The following ZFAND3 variants were observed in gnomAD, a reference collection of about 807,000 sequenced individuals.
The protein encoded by ZFAND3 is AN1-type zinc finger protein 3.
A neutral mutation model predicts 29.6 loss-of-function variants in ZFAND3; 10 were observed. That is an observed-to-expected ratio of 0.34 (90% confidence interval 0.21 to 0.57). ZFAND3 has a LOEUF of 0.57. Ranked by LOEUF, ZFAND3 falls within the 20% of genes least tolerant of loss-of-function variation. ZFAND3 has a pLI of 0.86. For missense variants in ZFAND3, 230 were observed against 304.5 expected (o/e 0.76, Z 1.82); for synonymous variants, 128 against 112.6 (o/e 1.14, Z -0.87).
intron 4 of ZFAND3, among the ~76,000 whole-genome samples, chr6:38,113,870 T>A (rs947609102): frequency 1.3e-5 from 2 of 152,188 alleles, no homozygotes; most frequent in African/African-American, 4.8e-5. Flanking sequence ...TAGAAATGGG[T>A]GCTTTGCAGA....
At position 38,071,074 on chromosome 6, in the gene ZFAND3, T is replaced by C. The variant is rs1764444867; in HGVS notation, c.295+9299T>C. Among the ~76,000 whole-genome samples, 3 of 151,420 alleles carry C rather than the reference T, an allele frequency of 2.0e-5. No individual in the cohort carries two copies. The South Asian group carries it at 6.2e-4, about 31-fold the overall frequency. On this transcript the variant is annotated intron_variant, in intron 3 of 5. Coordinates refer to ENST00000287218, the MANE Select transcript of ZFAND3 (RefSeq NM_021943.3). The stretch of plus-strand genomic sequence containing the variant: ...ATTTGTAGGAATTCTTTTATATATA[T>C]ATATATATGTAACAAATTCTGGATA...
At chr6:37,855,371 C>G (rs1016961710) in intron 1 of ZFAND3, among the ~76,000 whole-genome samples, 2 of 150,332 alleles carry the variant, frequency 1.3e-5, no homozygotes, top group African/African-American at 4.9e-5. Context: ...AGGCTAGTCT[C>G]GAACTCCTGA....
At chr6:37,921,239 G>C (rs1272825402) in intron 1 of ZFAND3, among the ~76,000 whole-genome samples, 1 of 152,072 alleles carries the variant, frequency 6.6e-6, no homozygotes, top group Non-Finnish European at 1.5e-5. Flanking sequence ...AGTTTTTACA[G>C]ATTGACTCCC....
intron 4 of ZFAND3, among the ~76,000 whole-genome samples, chr6:38,084,836 T>G (rs1462729998): frequency 6.6e-6 from 1 of 152,162 alleles, no homozygotes; most frequent in Non-Finnish European, 1.5e-5. Context: ...GAAGGAAAAT[T>G]GAGATTTCTC....
intron 5 of ZFAND3, among the ~76,000 whole-genome samples, chr6:38,125,854 A>T (rs1400841682): frequency 6.6e-6 from 1 of 152,228 alleles, no homozygotes; most frequent in Non-Finnish European, 1.5e-5. Flanking sequence ...TACGTACCAT[A>T]AAATTTGCCC....
At chr6:38,105,983 G>A (rs1279200444) in intron 4 of ZFAND3, among the ~76,000 whole-genome samples, 1 of 152,026 alleles carries the variant, frequency 6.6e-6, no homozygotes, top group Non-Finnish European at 1.5e-5. Context: ...TGAGCCCCGT[G>A]GGTTCAGAGG....
chr6:37,824,440 T>C (rs769989614), intron 1 of ZFAND3, among the ~76,000 whole-genome samples: 1 of 152,152 alleles, frequency 6.6e-6, no homozygotes, highest in Non-Finnish European at 1.5e-5. Flanking sequence ...TATAAGAATA[T>C]AGTATGTGTA....
chr6:37,947,761 A>T (rs1224209872), intron 2 of ZFAND3, among the ~76,000 whole-genome samples: 1 of 152,088 alleles, frequency 6.6e-6, no homozygotes, highest in Non-Finnish European at 1.5e-5. Flanking sequence ...TGTGATATAT[A>T]AAGCCTTTGC....
rs956097029 is a variant in ZFAND3, at chr6:37,896,564, T to C, written c.72-33395T>C. Among the ~76,000 whole-genome samples, 3 of 146,528 alleles carry C rather than the reference T, an allele frequency of 2.0e-5. No individual in the cohort carries two copies. The South Asian group carries it at 6.5e-4, about 32-fold the overall frequency. ...TTTCTTTCTTTCTTTCTTTCTTTCTTTCTTTCTCTCTTTCTCTCTCTTTCT... is the reference window on the plus strand; with the variant it reads ...TTTCTTTCTTTCTTTCTTTCTTTCTCTCTTTCTCTCTTTCTCTCTCTTTCT... On this transcript the variant is annotated intron_variant, in intron 1 of 5. Transcript: ENST00000287218.
chr6:37,823,441 A>G (rs1763702757), intron 1 of ZFAND3, among the ~76,000 whole-genome samples: 1 of 152,136 alleles, frequency 6.6e-6, no homozygotes, highest in Non-Finnish European at 1.5e-5. Context: ...TTCCTTTAGG[A>G]TTGCTGCTCT....
intron 1 of ZFAND3, among the ~76,000 whole-genome samples, chr6:37,865,731 A>G (rs1764578178): frequency 6.6e-6 from 1 of 152,202 alleles, no homozygotes. Context: ...ATAGCGTCAC[A>G]GGTGCAGAGG....
chr6:38,117,161 A>AT (rs751879752), intron 5 of ZFAND3, among the ~76,000 whole-genome samples: 356 of 148,716 alleles, frequency 2.4e-3, no homozygotes, highest in Non-Finnish European at 4.0e-3. Flanking sequence ...TAAATGGAAG[A>AT]TTTTTTTTTC....
chr6:38,095,843 G>A (rs1236024066), intron 4 of ZFAND3, among the ~76,000 whole-genome samples: 1 of 152,034 alleles, frequency 6.6e-6, no homozygotes, highest in Non-Finnish European at 1.5e-5. Flanking sequence ...ACCAGCCTGG[G>A]CAACATGGTG....
chr6:37,926,885 A>G (rs1036605091), intron 1 of ZFAND3, among the ~76,000 whole-genome samples: 1 of 152,214 alleles, frequency 6.6e-6, no homozygotes, highest in Non-Finnish European at 1.5e-5. Context: ...CATGTTCAAC[A>G]TGAGAAAGGA....
chr6:38,034,800 A>G (rs1370567552), intron 2 of ZFAND3, among the ~76,000 whole-genome samples: 1 of 152,176 alleles, frequency 6.6e-6, no homozygotes, highest in Non-Finnish European at 1.5e-5. Context: ...ATTTTCCCAT[A>G]GGCCTTTTTG....
chr6:38,006,787 G>C (rs1010478707), intron 2 of ZFAND3, among the ~76,000 whole-genome samples: 1 of 151,556 alleles, frequency 6.6e-6, no homozygotes, highest in South Asian at 2.1e-4. Flanking sequence ...CATATCGTGC[G>C]TCTAAATATT....
chr6:37,934,530 A>T (rs1339225607), intron 2 of ZFAND3, among the ~76,000 whole-genome samples: 6 of 28,608 alleles, frequency 2.1e-4, no homozygotes, highest in Admixed American at 1.0e-3. Context: ...TAGTCTATTT[A>T]AAAAAAAAAA....
At chr6:38,104,617 G>T (rs928518911) in intron 4 of ZFAND3, among the ~76,000 whole-genome samples, 7 of 152,300 alleles carry the variant, frequency 4.6e-5, no homozygotes, top group African/African-American at 1.7e-4. Flanking sequence ...TATGACTACA[G>T]TCCACAGAAA....
At chr6:37,930,419 C>T (rs908777113) in intron 2 of ZFAND3, among the ~76,000 whole-genome samples, 7 of 152,086 alleles carry the variant, frequency 4.6e-5, no homozygotes, top group Non-Finnish European at 1.0e-4. Context: ...ATAGAGGCTG[C>T]CATGGTGTCT....
Sources: allele counts gnomAD v4.1 joint callset (sites outside exome capture counted in the v4.1 genomes callset), GRCh38; gene constraint gnomAD v4.1.1; transcripts MANE v1.5; gene names NCBI Gene and HGNC (gene_info 2026-07-23, HGNC 2026-07-21).